Variants in GSTO2 observed in about 807,000 individuals in gnomAD.
The protein encoded by GSTO2 is glutathione S-transferase omega 2.
Under a neutral mutation model 28.4 loss-of-function variants are expected in GSTO2, and 23 were observed. The ratio of observed to expected loss-of-function variants is 0.81; its 90% CI spans 0.58 to 1.15. GSTO2 has a LOEUF of 1.15. Ranked by LOEUF, GSTO2 falls within the 50% of genes most tolerant of loss-of-function variation. The probability of loss-of-function intolerance (pLI) is 0.00; values close to 1 mark genes in which losing one functional copy is unlikely to be tolerated. For synonymous variants in GSTO2, 109 were observed against 111.0 expected (o/e 0.98, Z 0.11); for missense variants, 298 against 297.8 (o/e 1.00, Z 0.00).
chr10:104,298,029 C>T (rs74373638), intron 6 of GSTO2, among the ~76,000 whole-genome samples: 5,740 of 152,218 alleles, frequency 0.038, 385 homozygotes, highest in African/African-American at 0.13. Flanking sequence ...CTGGTCCTGA[C>T]GGGTCCCCAG....
intron 4 of GSTO2, 90 bp from the exon 5 acceptor site, chr10:104,279,280 G>A: frequency 1.9e-6 from 2 of 1,049,910 alleles, no homozygotes; most frequent in Non-Finnish European, 2.9e-6. Context: ...TGTTAGGCTG[G>A]AGTTATAAAG....
chr10:104,293,643 C>T (rs1388648317), intron 5 of GSTO2, among the ~76,000 whole-genome samples: 1 of 145,630 alleles, frequency 6.9e-6, no homozygotes, highest in Non-Finnish European at 1.5e-5. Context: ...GCAGCCTTGA[C>T]CTCCCAGCCT....
intron 5 of GSTO2, among the ~76,000 whole-genome samples, chr10:104,294,133 T>C (rs1210660177): frequency 1.3e-5 from 2 of 152,356 alleles, no homozygotes; most frequent in East Asian, 3.9e-4. Context: ...CTGTTTTCCT[T>C]CCTGGTTTTT....
At chr10:104,277,571 G>A (rs971138880) in intron 3 of GSTO2, among the ~76,000 whole-genome samples, 1 of 152,024 alleles carries the variant, frequency 6.6e-6, no homozygotes, top group Admixed American at 6.5e-5. Context: ...CAGGTGTGAG[G>A]CACCGCGCCC....
At chr10:104,276,732 A>G (rs977501766) in intron 3 of GSTO2, among the ~76,000 whole-genome samples, 2 of 152,166 alleles carry the variant, frequency 1.3e-5, no homozygotes, top group Admixed American at 1.3e-4. Flanking sequence ...CTGGCCTCTC[A>G]AAGTGCTGAG....
intron 5 of GSTO2, among the ~76,000 whole-genome samples, chr10:104,289,284 T>TG (rs2012639822): frequency 6.6e-6 from 1 of 152,064 alleles, no homozygotes; most frequent in Non-Finnish European, 1.5e-5. Context: ...TTTGTAGAGA[T>TG]GGGATTTTGC....
At chr10:104,284,443 C>T (rs995652701) in intron 5 of GSTO2, among the ~76,000 whole-genome samples, 2 of 152,112 alleles carry the variant, frequency 1.3e-5, no homozygotes. Flanking sequence ...ATATCTTTTA[C>T]AATTCTTTGA....
Position 104,302,880 on chromosome 10 carries a change from A to G in GSTO2, c.*3596A>G, listed in dbSNP as rs973408251. 2 of 152,224 alleles carry G rather than the reference A, an allele frequency of 1.3e-5. No individual in the cohort carries two copies. The highest frequency in any genetic ancestry group is 4.8e-5 in the African/African-American group (2 of 41,454). The allele number at this position is 152,224 out of a possible 1,614,324, so 9.4% of individuals were successfully genotyped here. On this transcript the variant is annotated 3_prime_UTR_variant, in exon 7 of 7. Coordinates refer to ENST00000338595, the MANE Select transcript of GSTO2 (RefSeq NM_183239.2). ...AGAGGAAGCTTCCTGAGGGCTCTCC[A>G]GAAGCAGAATCTACTACACTTCTCA... is the stretch of plus-strand genomic sequence containing the variant.
At chr10:104,297,919 G>A (rs1176003075) in intron 6 of GSTO2, among the ~76,000 whole-genome samples, 3 of 152,096 alleles carry the variant, frequency 2.0e-5, no homozygotes, top group Admixed American at 1.3e-4. Context: ...GGAGCCTCCC[G>A]CAGACTTCAG....
chr10:104,277,826 C>T (rs2011729450), intron 3 of GSTO2, 68 bp from the exon 4 acceptor site: 2 of 1,066,950 alleles, frequency 1.9e-6, no homozygotes, highest in Non-Finnish European at 2.9e-6. Flanking sequence ...CTTCTGCTTT[C>T]AAGAAGAGTG....
intron 5 of GSTO2, among the ~76,000 whole-genome samples, chr10:104,287,746 G>T (rs947822165): frequency 6.6e-6 from 1 of 151,686 alleles, no homozygotes; most frequent in Non-Finnish European, 1.5e-5. Context: ...TAGAATTAGG[G>T]TGGGTAAGAA....
chr10:104,279,225 A>C lies in GSTO2; in HGVS notation c.367-145A>C, dbSNP rs17116798. 0.01 allele frequency: 6,150 copies of C among 608,864 alleles called. 325 individuals carry two copies. In the African/African-American group the frequency reaches 0.11, roughly 10 times the overall value. The allele number at this position is 608,864 out of a possible 1,614,324, so 37.7% of individuals were successfully genotyped here. ...AGAACCGGAACCACAGAGAAAACCT[A>C]GTGCCTCTCACAGGGAGCTGGGGGG... is the stretch of plus-strand genomic sequence containing the variant. On this transcript the variant is annotated intron_variant, in intron 4 of 6. Coordinates refer to ENST00000338595, the MANE Select transcript of GSTO2 (RefSeq NM_183239.2).
At chr10:104,286,016 C>A (rs1430626704) in intron 5 of GSTO2, 1 of 280,834 alleles carries the variant, frequency 3.6e-6, no homozygotes, top group Admixed American at 4.8e-5. Flanking sequence ...TAGTAGACTA[C>A]AAGCTAAATT....
In GSTO2 at chr10:104,301,318, G is replaced by A. The variant is rs955197050; in HGVS notation, c.*2034G>A. 1 of 152,234 alleles carries A rather than the reference G, an allele frequency of 6.6e-6. No homozygotes were observed. Among genetic ancestry groups the A allele is most frequent in the African/African-American group, 2.4e-5 (1 of 41,450 alleles). The allele number at this position is 152,234 out of a possible 1,614,324, so 9.4% of individuals were successfully genotyped here. A position where few individuals can be genotyped will look rare whatever the true frequency, so the allele number is the denominator to read the frequency against. On this transcript the variant is annotated 3_prime_UTR_variant, in exon 7 of 7. Transcript: ENST00000338595. ...CGCACACTAATTTAGAAAGCTTGAA[G>A]AACCAGGAATTATAGAATGGAGAAA... is the stretch of plus-strand genomic sequence containing the variant.
chr10:104,278,938 C>G (rs1463021419), intron 4 of GSTO2, among the ~76,000 whole-genome samples: 1 of 152,176 alleles, frequency 6.6e-6, no homozygotes, highest in Non-Finnish European at 1.5e-5. Flanking sequence ...ATATTAACAG[C>G]TGACATATAT....
intron 5 of GSTO2, among the ~76,000 whole-genome samples, chr10:104,282,133 A>G (rs1212169059): frequency 6.6e-5 from 10 of 150,986 alleles, no homozygotes. Flanking sequence ...AAAAGTATTC[A>G]GTCCATCACT....
Position 104,274,838 on chromosome 10 carries a change from C to G in GSTO2, c.-78C>G. ...GGTGCGCGCCAGAGCGCAGCTGTTTCTGGAGCCTGCGGCAGCGGTGGCGAG... is the reference window on the plus strand; with the variant it reads ...GGTGCGCGCCAGAGCGCAGCTGTTTGTGGAGCCTGCGGCAGCGGTGGCGAG... On this transcript the variant is annotated 5_prime_UTR_variant, in exon 2 of 7. Transcript: ENST00000338595. 2 of 1,544,258 alleles carry G rather than the reference C, an allele frequency of 1.3e-6. No individual in the cohort carries two copies. The highest frequency in any genetic ancestry group is 1.8e-6 in the Non-Finnish European group (2 of 1,134,064).
chr10:104,275,202 T>TCC (rs1296932475), intron 2 of GSTO2, 24 bp from the exon 3 acceptor site: 1 of 1,596,578 alleles, frequency 6.3e-7, no homozygotes, highest in Non-Finnish European at 8.5e-7. Flanking sequence ...CCTTTCCCTG[T>TCC]CCCCCTCCAT....
chr10:104,294,760 G>A (rs2012946954), intron 5 of GSTO2, among the ~76,000 whole-genome samples: 1 of 152,142 alleles, frequency 6.6e-6, no homozygotes, highest in African/African-American at 2.4e-5. Context: ...ACCTTGATAA[G>A]GCTTGGGTTA....
Sources: allele counts gnomAD v4.1 joint callset (sites outside exome capture counted in the v4.1 genomes callset), GRCh38; gene constraint gnomAD v4.1.1; transcripts MANE v1.5; gene names NCBI Gene and HGNC (gene_info 2026-07-23, HGNC 2026-07-21).